Variants in CCDC198 observed in about 807,000 individuals in gnomAD.
CCDC198 encodes factor associated with metabolism and energy.
In CCDC198, 18 loss-of-function variants were observed where a neutral mutation model predicts 35.6. The ratio of observed to expected loss-of-function variants is 0.51; its 90% CI spans 0.35 to 0.75. The LOEUF (loss-of-function observed/expected upper bound fraction) is 0.75, where lower values mean the gene tolerates loss of function less well. CCDC198 is among the 30% of genes least tolerant of loss of function. CCDC198 has a pLI of 0.01. For missense variants in CCDC198, 365 were observed against 343.7 expected (o/e 1.06, Z -0.49); for synonymous variants, 119 against 113.4 (o/e 1.05, Z -0.31).
intron 5 of CCDC198, among the ~76,000 whole-genome samples, chr14:57,472,744 T>G (rs563349818): frequency 2.0e-5 from 3 of 152,346 alleles, no homozygotes; most frequent in African/African-American, 7.2e-5. Flanking sequence ...TTTACCTTAG[T>G]TTTTTATTTA....
rs1424727027 is a variant in CCDC198, at chr14:57,471,318, T to C, written c.*37A>G. The C allele has an allele frequency of 1.3e-6, 2 of 1,496,166 alleles. No homozygotes were observed. The highest frequency in any genetic ancestry group is 1.8e-6 in the Non-Finnish European group (2 of 1,083,642). The allele number at this position is 1,496,166 out of a possible 1,614,324, so 92.7% of individuals were successfully genotyped here. ...AAGATTTTGAGAGTAAAACAAGCTT[T>C]CAAAGCACTCAGTTTCTAGGTTAAT... On this transcript the variant is annotated 3_prime_UTR_variant, in exon 6 of 6. Transcript: ENST00000216445.
chr14:57,491,126 A>T lies in CCDC198; in HGVS notation c.224-55T>A, dbSNP rs45470596. On this transcript the variant is annotated intron_variant, in intron 1 of 5. Transcript: ENST00000216445. Reference sequence around the variant, plus strand: ...AAACATTAAATATAATTTACTATTAAATCAGGCAATCATTAGTTACTAGAC... The same window carrying T: ...AAACATTAAATATAATTTACTATTATATCAGGCAATCATTAGTTACTAGAC... 9.6e-4 allele frequency: 1,473 copies of T among 1,539,244 alleles called. 1 individual carries two copies. Among genetic ancestry groups the T allele is most frequent in the Non-Finnish European group, 1.2e-3 (1,383 of 1,123,018 alleles).
chr14:57,472,244 C>G (rs547560107), intron 5 of CCDC198, among the ~76,000 whole-genome samples: 50 of 152,194 alleles, frequency 3.3e-4, no homozygotes, highest in African/African-American at 1.2e-3. Context: ...ACTCTTCTAC[C>G]CTTTTCTTCT....
chr14:57,471,356 T>G lies in CCDC198; in HGVS notation c.890A>C (p.Ter297SerextTer7). Residue 297 changes from the stop codon to serine (S), a stop_lost, in exon 6 of 6, where the codon TAA becomes TCA. Coordinates refer to ENST00000216445, the MANE Select transcript of CCDC198 (RefSeq NM_018168.4). Reference sequence around the variant, plus strand: ...TTTCTAGGTTAATGAATAGTATTCTTATTCTTGATCAAAAAACTCATCGAA... The same window carrying G: ...TTTCTAGGTTAATGAATAGTATTCTGATTCTTGATCAAAAAACTCATCGAA... ...PLFDEFFDQE[*>S] is the part of the protein sequence containing the mutation. The G allele has an allele frequency of 1.2e-6, 2 of 1,609,032 alleles. No individual in the cohort carries two copies. The highest frequency in any genetic ancestry group is 1.7e-6 in the Non-Finnish European group (2 of 1,176,200).
In CCDC198 at chr14:57,480,810, C is replaced by G. The variant is rs952608833; in HGVS notation, c.496-56G>C. 4.4e-6 allele frequency: 7 copies of G among 1,579,162 alleles called. No individual in the cohort carries two copies. In the South Asian group the frequency reaches 5.7e-5, roughly 13 times the overall value. ...TTCTTCCCAAGCTACTTTCACCAGA[C>G]TAGATCAACAGATCAGCCACTTTGC... On this transcript the variant is annotated intron_variant, in intron 4 of 5. Coordinates refer to ENST00000216445, the MANE Select transcript of CCDC198 (RefSeq NM_018168.4).
At chr14:57,478,982 CTG>C (rs1264512344) in intron 5 of CCDC198, 1 of 1,289,180 alleles carries the variant, frequency 7.8e-7, no homozygotes, top group Non-Finnish European at 1.0e-6. Flanking sequence ...GCACAGCGAT[CTG>C]TGTGTGTGAA....
intron 5 of CCDC198, chr14:57,478,568 A>G: frequency 1.0e-6 from 1 of 987,656 alleles, no homozygotes; most frequent in Non-Finnish European, 1.2e-6. Flanking sequence ...GGTCTGAGAC[A>G]TCTTCCAGGG....
chr14:57,476,395 T>C (rs2066997953), intron 5 of CCDC198, among the ~76,000 whole-genome samples: 1 of 152,168 alleles, frequency 6.6e-6, no homozygotes, highest in African/African-American at 2.4e-5. Context: ...CTACTGGGAC[T>C]CAGGGAAGGG....
At chr14:57,487,781 A>AG (rs1304753194) in intron 2 of CCDC198, among the ~76,000 whole-genome samples, 1 of 152,214 alleles carries the variant, frequency 6.6e-6, no homozygotes, top group Non-Finnish European at 1.5e-5. Context: ...GGCAGAAATT[A>AG]GGCTATTAAT....
rs2067648730 is a variant in CCDC198, at chr14:57,493,543, T to C, written c.173A>G (p.Glu58Gly). Residue 58 changes from glutamate (E) to glycine (G), a missense_variant, in exon 1 of 6, where the codon GAA becomes GGA. Transcript: ENST00000216445. The part of the protein sequence containing the change: ...ARLQDQNKAL[E>G]GQLPPLQENW... Reference sequence around the variant, plus strand: ...TTCTTGTAAAGGTGGCAGCTGCCCTTCCAAGGCTTTATTCTGGTCCTGCAG... The same window carrying C: ...TTCTTGTAAAGGTGGCAGCTGCCCTCCCAAGGCTTTATTCTGGTCCTGCAG... The C allele has an allele frequency of 1.9e-6, 3 of 1,613,990 alleles. No individual in the cohort carries two copies. Among genetic ancestry groups the C allele is most frequent in the Non-Finnish European group, 2.5e-6 (3 of 1,179,906 alleles).
chr14:57,474,955 C>CAG (rs2066922768), intron 5 of CCDC198, among the ~76,000 whole-genome samples: 1 of 152,086 alleles, frequency 6.6e-6, no homozygotes, highest in Non-Finnish European at 1.5e-5. Flanking sequence ...ATTTCACATA[C>CAG]AGAGCTATAT....
intron 2 of CCDC198, 22 bp from the exon 3 acceptor site, chr14:57,483,173 C>T (rs756304615): frequency 6.2e-7 from 1 of 1,613,972 alleles, no homozygotes; most frequent in African/African-American, 1.3e-5. Context: ...ACGTTTAGAG[C>T]AGTCAGCATT....
intron 5 of CCDC198, 57 bp from the exon 6 acceptor site, chr14:57,471,647 T>C (rs971401332): frequency 2.1e-6 from 2 of 960,078 alleles, no homozygotes; most frequent in African/African-American, 3.3e-5. Flanking sequence ...TATTTGTTTA[T>C]TAAGTGCCTA....
At chr14:57,483,900 T>C (rs2067270341) in intron 2 of CCDC198, among the ~76,000 whole-genome samples, 1 of 152,216 alleles carries the variant, frequency 6.6e-6, no homozygotes, top group Non-Finnish European at 1.5e-5. Flanking sequence ...TAATGACTGC[T>C]ACATGCCAGA....
intron 5 of CCDC198, 189 bp downstream of exon 5, chr14:57,480,406 C>T (rs1395899199): frequency 1.3e-6 from 1 of 796,196 alleles, no homozygotes; most frequent in Non-Finnish European, 1.5e-6. Context: ...CAAGCTTAAG[C>T]TTCTGTCTTT....
chr14:57,474,199 T>C (rs1032671558), intron 5 of CCDC198, among the ~76,000 whole-genome samples: 1 of 152,204 alleles, frequency 6.6e-6, no homozygotes, highest in Non-Finnish European at 1.5e-5. Context: ...GCTAAATAAA[T>C]ATTTGGTGAA....
chr14:57,476,302 T>C (rs952868843), intron 5 of CCDC198, among the ~76,000 whole-genome samples: 3 of 152,210 alleles, frequency 2.0e-5, no homozygotes, highest in African/African-American at 7.2e-5. Flanking sequence ...TTAATATTTA[T>C]TGAGAGGCTA....
At position 57,481,557 on chromosome 14, in the gene CCDC198, AC is replaced by A. The variant is rs112261743; in HGVS notation, c.495+1del. ...TAAATATGACACTCTTCTCGTATTT[AC>A]CTCTTGTCTTTTACGGATCATTTCC... On this transcript the variant is annotated splice_donor_variant, in intron 4 of 5. Coordinates refer to ENST00000216445, the MANE Select transcript of CCDC198 (RefSeq NM_018168.4). LOFTEE classifies it high-confidence loss of function. 2.1e-5 allele frequency: 34 copies of A among 1,601,214 alleles called. No individual in the cohort carries two copies. In the African/African-American group the frequency reaches 2.4e-4, roughly 11 times the overall value.
intron 2 of CCDC198, among the ~76,000 whole-genome samples, chr14:57,490,217 G>T (rs2067515755): frequency 6.6e-6 from 1 of 152,096 alleles, no homozygotes; most frequent in African/African-American, 2.4e-5. Context: ...TCACAAGAGA[G>T]CCCCAAACCC....
Sources: gnomAD v4.1 joint callset for allele counts (sites outside exome capture counted in the v4.1 genomes callset) on GRCh38, gnomAD v4.1.1 for gene constraint, MANE v1.5 for transcripts, NCBI Gene and HGNC (gene_info 2026-07-23, HGNC 2026-07-21) for gene names.